The following LYPLA1 variants were observed in gnomAD, a reference collection of about 807,000 sequenced individuals.
LYPLA1 encodes acyl-protein thioesterase 1.
Under a neutral mutation model 34.0 loss-of-function variants are expected in LYPLA1, and 17 were observed. The observed-to-expected ratio is 0.50, with a 90% CI of 0.34 to 0.75. The LOEUF (loss-of-function observed/expected upper bound fraction) is 0.75. LYPLA1 is among the 30% of genes least tolerant of loss of function. The probability of loss-of-function intolerance (pLI) is 0.01; values close to 1 mark genes in which losing one functional copy is unlikely to be tolerated. For missense variants in LYPLA1, 203 were observed against 288.8 expected, an observed-to-expected ratio of 0.70 and a Z score of 2.15; for synonymous variants, 98 against 100.8, an observed-to-expected ratio of 0.97 and a Z score of 0.17.
intron 3 of LYPLA1, among the ~76,000 whole-genome samples, chr8:54,063,927 T>A (rs1012222342): frequency 2.6e-5 from 4 of 152,206 alleles, no homozygotes; most frequent in Non-Finnish European, 5.9e-5. Context: ...TGAATTCAGC[T>A]CCATCCAAAG....
intron 5 of LYPLA1, among the ~76,000 whole-genome samples, chr8:54,060,700 T>A (rs1806547621): frequency 1.3e-5 from 2 of 148,384 alleles, no homozygotes; most frequent in Non-Finnish European, 3.0e-5. Flanking sequence ...TTTTTTTTTT[T>A]TTTTTTTTTT....
intron 2 of LYPLA1, among the ~76,000 whole-genome samples, chr8:54,066,427 T>A (rs1260320819): frequency 1.3e-5 from 2 of 152,200 alleles, no homozygotes; most frequent in Non-Finnish European, 2.9e-5. Flanking sequence ...ATTTTTAAAA[T>A]GTCTTTATAC....
At chr8:54,056,236 T>C (rs144620382) in intron 5 of LYPLA1, among the ~76,000 whole-genome samples, 86 of 152,262 alleles carry the variant, frequency 5.6e-4, no homozygotes, top group African/African-American at 1.9e-3. Flanking sequence ...CTGGGAAAAC[T>C]GGATATCCAT....
intron 2 of LYPLA1, among the ~76,000 whole-genome samples, chr8:54,091,419 A>T (rs1563662342): frequency 6.6e-6 from 1 of 151,808 alleles, no homozygotes; most frequent in Admixed American, 6.6e-5. Context: ...CCCAGGAGGC[A>T]GAGGTTGCAG....
At chr8:54,096,143 T>G (rs1809664945) in intron 2 of LYPLA1, among the ~76,000 whole-genome samples, 1 of 152,238 alleles carries the variant, frequency 6.6e-6, no homozygotes, top group Non-Finnish European at 1.5e-5. Flanking sequence ...GCCTGCAACT[T>G]ATTCTTTAAT....
downstream of LYPLA1, chr8:54,045,020 G>C (rs1462220252): frequency 6.6e-6 from 1 of 152,282 alleles, no homozygotes; most frequent in Admixed American, 6.5e-5. Context: ...CTGGGGCACA[G>C]AGCAAGGTTA....
chr8:54,071,012 T>C (rs1040231507), intron 2 of LYPLA1, among the ~76,000 whole-genome samples: 5 of 152,180 alleles, frequency 3.3e-5, no homozygotes, highest in Admixed American at 3.3e-4. Context: ...ATATGAATTA[T>C]ATGTCAATAA....
At chr8:54,077,299 C>T (rs527398049) in intron 2 of LYPLA1, among the ~76,000 whole-genome samples, 1 of 152,184 alleles carries the variant, frequency 6.6e-6, no homozygotes, top group South Asian at 2.1e-4. Context: ...AACAAGAACA[C>T]ATGGATACTA....
rs1805575471 is a variant in LYPLA1, at chr8:54,047,888, C to A, written c.*177G>T. ...TCTTATAAGAATACATGTATAGAAA[C>A]TTAAAAGATCATAAATTTCTCATGA... is the stretch of plus-strand genomic sequence containing the variant. On this transcript the variant is annotated 3_prime_UTR_variant, in exon 9 of 9. Transcript: ENST00000316963. 1 of 477,674 alleles carries A rather than the reference C, an allele frequency of 2.1e-6. No individual in the cohort carries two copies. The highest frequency in any genetic ancestry group is 2.0e-5 in the African/African-American group (1 of 50,468). 29.6% of individuals were successfully genotyped at this position (477,674 alleles called of 1,614,324 possible).
At chr8:54,098,654 C>T (rs4737485) in intron 2 of LYPLA1, among the ~76,000 whole-genome samples, 30,378 of 152,200 alleles carry the variant, frequency 0.2, 4,340 homozygotes, top group East Asian at 0.74. Context: ...GCACTCCAGC[C>T]TGGGTGACAG....
intron 3 of LYPLA1, 77 bp from the exon 4 acceptor site, chr8:54,063,452 A>ATT: frequency 1.1e-6 from 1 of 901,168 alleles, no homozygotes; most frequent in South Asian, 1.6e-5. Context: ...TCAAAAACAG[A>ATT]TAATTGCTTG....
At chr8:54,066,172 C>T (rs956301343) in intron 2 of LYPLA1, among the ~76,000 whole-genome samples, 2 of 152,020 alleles carry the variant, frequency 1.3e-5, no homozygotes, top group Admixed American at 6.6e-5. Flanking sequence ...CTCCTGACCT[C>T]GTGATCCGCT....
At chr8:54,055,242 G>A (rs1806126565) in intron 5 of LYPLA1, 109 bp from the exon 6 acceptor site, 10 of 599,764 alleles carry the variant, frequency 1.7e-5, no homozygotes, top group East Asian at 3.0e-5. Flanking sequence ...CTTTTAAGGT[G>A]GAAATGAGTG....
At chr8:54,084,163 TAAA>T (rs1158925333) in intron 2 of LYPLA1, among the ~76,000 whole-genome samples, 1 of 132,600 alleles carries the variant, frequency 7.5e-6, no homozygotes, top group African/African-American at 3.2e-5. Flanking sequence ...TATATATATA[TAAA>T]ATAAAGACCT....
At chr8:54,085,698 T>C (rs1457454908) in intron 2 of LYPLA1, among the ~76,000 whole-genome samples, 1 of 151,162 alleles carries the variant, frequency 6.6e-6, no homozygotes, top group African/African-American at 2.4e-5. Flanking sequence ...GGAGCATCTC[T>C]GACCAGCCGC....
chr8:54,062,453 CTATT>C (rs1002844847), intron 4 of LYPLA1, 129 bp from the exon 5 acceptor site: 9 of 332,572 alleles, frequency 2.7e-5, no homozygotes, highest in African/African-American at 6.6e-5. Context: ...TTTAATTTAT[CTATT>C]TAATTAATTT....
chr8:54,065,342 C>T (rs1033660456), intron 3 of LYPLA1, among the ~76,000 whole-genome samples: 1 of 151,990 alleles, frequency 6.6e-6, no homozygotes, highest in Non-Finnish European at 1.5e-5. Flanking sequence ...CCTGTAATCC[C>T]AGCTACTCTG....
At chr8:54,085,243 A>C (rs1808626679) in intron 2 of LYPLA1, among the ~76,000 whole-genome samples, 1 of 152,218 alleles carries the variant, frequency 6.6e-6, no homozygotes, top group South Asian at 2.1e-4. Context: ...CAGCCTCGGC[A>C]TCCCGAGGTG....
intron 2 of LYPLA1, among the ~76,000 whole-genome samples, chr8:54,099,306 G>C (rs764984132): frequency 8.5e-5 from 13 of 152,146 alleles, no homozygotes; most frequent in Non-Finnish European, 1.8e-4. Flanking sequence ...AGGACCACTG[G>C]ATTGCCAGAA....
Sources: gnomAD v4.1 joint callset for allele counts (sites outside exome capture counted in the v4.1 genomes callset) on GRCh38, gnomAD v4.1.1 for gene constraint, MANE v1.5 for transcripts, NCBI Gene and HGNC (gene_info 2026-07-23, HGNC 2026-07-21) for gene names.